Variants in AHSG observed in about 807,000 individuals in gnomAD.
The protein encoded by AHSG is alpha 2-HS glycoprotein.
A neutral mutation model predicts 30.1 loss-of-function variants in AHSG; 23 were observed. That is an observed-to-expected ratio of 0.76 (90% CI 0.55 to 1.08). The LOEUF (loss-of-function observed/expected upper bound fraction) is 1.08, where lower values mean the gene tolerates loss of function less well. Ranked by LOEUF, AHSG falls within the 50% of genes least tolerant of loss-of-function variation. AHSG has a pLI of 0.00. For synonymous variants in AHSG, 164 were observed against 186.3 expected, an observed-to-expected ratio of 0.88 and a Z score of 0.98; for missense variants, 469 against 459.5, an observed-to-expected ratio of 1.02 and a Z score of -0.19.
intron 5 of AHSG, among the ~76,000 whole-genome samples, chr3:186,619,574 T>A (rs1332461270): frequency 6.6e-6 from 1 of 152,226 alleles, no homozygotes; most frequent in Non-Finnish European, 1.5e-5. Flanking sequence ...TCTCAATTTT[T>A]AAATCATATT....
At chr3:186,615,091 C>T (rs1373959204) in intron 1 of AHSG, among the ~76,000 whole-genome samples, 4 of 151,728 alleles carry the variant, frequency 2.6e-5, no homozygotes, top group Non-Finnish European at 5.9e-5. Context: ...GCTGCACAAG[C>T]CAAGACAAAG....
intron 6 of AHSG, 80 bp from the exon 7 acceptor site, chr3:186,620,506 G>T: frequency 8.2e-7 from 1 of 1,226,242 alleles, no homozygotes. Flanking sequence ...GAAATTGGGT[G>T]CCAGTGCCAC....
At chr3:186,616,900 G>A (rs1716320874) in intron 3 of AHSG, among the ~76,000 whole-genome samples, 1 of 152,104 alleles carries the variant, frequency 6.6e-6, no homozygotes, top group African/African-American at 2.4e-5. Flanking sequence ...AGGCAGAGGT[G>A]GCAGTGGGCC....
chr3:186,617,123 A>C, intron 3 of AHSG, 64 bp from the exon 4 acceptor site: 2 of 1,559,156 alleles, frequency 1.3e-6, no homozygotes, highest in Non-Finnish European at 1.7e-6. Flanking sequence ...TTGCTAACGC[A>C]GCAGAGCTGG....
intron 4 of AHSG, among the ~76,000 whole-genome samples, chr3:186,618,205 G>T (rs983402860): frequency 1.3e-5 from 2 of 152,124 alleles, no homozygotes; most frequent in Admixed American, 1.3e-4. Context: ...TGAGGGCTGG[G>T]GGGAGGCAGG....
chr3:186,618,402 G>A, intron 4 of AHSG, 134 bp from the exon 5 acceptor site: 1 of 1,411,824 alleles, frequency 7.1e-7, no homozygotes, highest in Non-Finnish European at 9.5e-7. Flanking sequence ...AGCCATTGAG[G>A]GACATGTCTT....
chr3:186,619,706 T>A (rs1716417581), intron 5 of AHSG, 151 bp from the exon 6 acceptor site: 1 of 580,414 alleles, frequency 1.7e-6, no homozygotes, highest in Non-Finnish European at 3.0e-6. Context: ...TATTTCCATG[T>A]TATATATAGA....
chr3:186,615,875 T>A, intron 2 of AHSG, 80 bp downstream of exon 2: 1 of 1,314,978 alleles, frequency 7.6e-7, no homozygotes, highest in Non-Finnish European at 1.1e-6. Flanking sequence ...GCCTGCCTTC[T>A]TGGCTAGCCA....
chr3:186,615,660 A>G (rs755990943), intron 1 of AHSG, 25 bp from the exon 2 acceptor site: 1 of 1,601,050 alleles, frequency 6.2e-7, no homozygotes, highest in South Asian at 1.1e-5. Flanking sequence ...TAGGTTGCTC[A>G]CGGCTTCACT....
rs772654737 is a variant in AHSG at position 186,620,963 on chromosome 3, C to A, written c.*33C>A. On this transcript the variant is annotated 3_prime_UTR_variant, in exon 7 of 7. Coordinates refer to ENST00000411641, the MANE Select transcript of AHSG (RefSeq NM_001622.4). ...ATGGCAGAGATGAGGAGGTTTGGCACAGAAAACATAGCCACCATTTTGTCC... is the reference window on the plus strand; with the variant it reads ...ATGGCAGAGATGAGGAGGTTTGGCAAAGAAAACATAGCCACCATTTTGTCC... The A allele has an allele frequency of 1.9e-6, 3 of 1,585,408 alleles. No homozygotes were observed. The Admixed American group carries it at 5.1e-5, about 27-fold the overall frequency.
In AHSG at chr3:186,618,627, T is replaced by A; in HGVS notation, c.665T>A (p.Leu222Gln). Residue 222 changes from leucine to glutamine, a missense_variant, in exon 5 of 7, where the codon CTG (leucine) becomes CAG (glutamine). Leu to Gln is a moderately radical substitution (Grantham distance 113). Coordinates refer to ENST00000411641, the MANE Select transcript of AHSG (RefSeq NM_001622.4). The stretch of plus-strand genomic sequence containing the variant: ...ACAGAGGCAGCCAAGTGTAACCTGC[T>A]GGCAGAAAAGGTGAGTGGGCCGGGA... Reference protein sequence around the residue: ...EATEAAKCNLLAEKQYGFCKA... With the variant: ...EATEAAKCNLQAEKQYGFCKA... 1 of 1,614,080 alleles carries A rather than the reference T, an allele frequency of 6.2e-7. No individual in the cohort carries two copies. Among genetic ancestry groups the A allele is most frequent in the South Asian group, 1.1e-5 (1 of 91,074 alleles).
chr3:186,615,871 C>G, intron 2 of AHSG, 76 bp downstream of exon 2: 7 of 1,343,218 alleles, frequency 5.2e-6, no homozygotes, highest in Non-Finnish European at 5.3e-6. Flanking sequence ...CTCAGCCTGC[C>G]TTCTTGGCTA....
intron 1 of AHSG, among the ~76,000 whole-genome samples, chr3:186,613,700 C>T (rs369851516): frequency 1.3e-5 from 2 of 152,176 alleles, no homozygotes; most frequent in Non-Finnish European, 2.9e-5. Context: ...CTGAAAATCA[C>T]GTATCTGTCT....
rs373089426 is a variant in AHSG at position 186,619,787 on chromosome 3, C to T, written c.676-70C>T. On this transcript the variant is annotated intron_variant, in intron 5 of 6. Coordinates refer to ENST00000411641, the MANE Select transcript of AHSG (RefSeq NM_001622.4). ...GTTTTTCAAACTAATTTAAGGTTGG[C>T]GCGTCAATGAAATTGGGGGGGATCC... 25 of 1,242,480 alleles carry T rather than the reference C, an allele frequency of 2.0e-5. 1 individual carries two copies. In the African/African-American group the frequency reaches 2.3e-4, roughly 11 times the overall value. The allele number at this position is 1,242,480 out of a possible 1,614,324, so 77.0% of individuals were successfully genotyped here. A position where few individuals can be genotyped will look rare whatever the true frequency, so the allele number is the denominator to read the frequency against.
Position 186,616,541 on chromosome 3 carries a change from T to C in AHSG, c.409+14T>C. ...ATTCCAGTCCAGGTACAGATGACTA[T>C]TCTTATTCTCATTTTTTCCTTGTAG... On this transcript the variant is annotated intron_variant, in intron 3 of 6. Transcript: ENST00000411641. 1 of 1,591,162 alleles carries C rather than the reference T, an allele frequency of 6.3e-7. No homozygotes were observed. Among genetic ancestry groups the C allele is most frequent in the Non-Finnish European group, 8.6e-7 (1 of 1,164,810 alleles).
In AHSG at chr3:186,620,279, C is replaced by A. The variant is rs112614969; in HGVS notation, c.760-307C>A. 7.0e-3 allele frequency among the ~76,000 whole-genome samples: 1,071 copies of A among 152,256 alleles called. 14 individuals are homozygous for A. The highest frequency in any genetic ancestry group is 0.024 in the African/African-American group (1,013 of 41,530). On this transcript the variant is annotated intron_variant, in intron 6 of 6. Transcript: ENST00000411641. The stretch of plus-strand genomic sequence containing the variant: ...TCCCAGTGGCTGCAGCTTCAGATGA[C>A]AAAGAGGGTGGCACTGCTGGGCAAG...
chr3:186,617,247 A>C lies in AHSG; in HGVS notation c.470A>C (p.Asp157Ala). The change falls in exon 4 of 7, where the codon GAC becomes GCC. Residue 157 changes from aspartate (D) to alanine (A), a missense_variant. Asp to Ala is a moderately radical substitution (Grantham distance 126). Coordinates refer to ENST00000411641, the MANE Select transcript of AHSG (RefSeq NM_001622.4). Reference protein sequence around the residue: ...QDCPLLAPLNDTRVVHAAKAA... With the variant: ...QDCPLLAPLNATRVVHAAKAA... Reference sequence around the variant, plus strand: ...TGCCCCCTGCTGGCCCCGCTGAACGACACCAGGGTGGTGCACGCCGCGAAA... The same window carrying C: ...TGCCCCCTGCTGGCCCCGCTGAACGCCACCAGGGTGGTGCACGCCGCGAAA... 3.1e-6 allele frequency: 5 copies of C among 1,614,126 alleles called. No homozygotes were observed. Among genetic ancestry groups the C allele is most frequent in the Non-Finnish European group, 4.2e-6 (5 of 1,180,034 alleles).
At position 186,618,617 on chromosome 3, in the gene AHSG, T is replaced by G. The variant is rs761137692; in HGVS notation, c.655T>G (p.Cys219Gly). The G allele has an allele frequency of 6.2e-7, 1 of 1,614,074 alleles. No individual in the cohort carries two copies. Among genetic ancestry groups the G allele is most frequent in the South Asian group, 1.1e-5 (1 of 91,084 alleles). ...TAAAGAGGCCACAGAGGCAGCCAAGTGTAACCTGCTGGCAGAAAAGGTGAG... is the reference window on the plus strand; with the variant it reads ...TAAAGAGGCCACAGAGGCAGCCAAGGGTAACCTGCTGGCAGAAAAGGTGAG... ...VAKEATEAAK[C>G]NLLAEKQYGF... Residue 219 changes from cysteine (C) to glycine (G), a missense_variant, in exon 5 of 7, where the codon TGT (cysteine) becomes GGT (glycine). Coordinates refer to ENST00000411641, the MANE Select transcript of AHSG (RefSeq NM_001622.4).
intron 3 of AHSG, 31 bp from the exon 4 acceptor site, chr3:186,617,156 G>A (rs1451432090): frequency 6.3e-7 from 1 of 1,588,364 alleles, no homozygotes. Context: ...GAGAATGGCT[G>A]CCCACATCCT....
Sources: gnomAD v4.1 joint callset for allele counts (sites outside exome capture counted in the v4.1 genomes callset) on GRCh38, gnomAD v4.1.1 for gene constraint, MANE v1.5 for transcripts, NCBI Gene and HGNC (gene_info 2026-07-23, HGNC 2026-07-21) for gene names.